The following MAGI1 variants were observed in gnomAD, a reference collection of about 807,000 sequenced individuals.
The protein encoded by MAGI1 is membrane associated guanylate kinase, WW and PDZ domain containing 1, also known as membrane-associated guanylate kinase, WW and PDZ domain-containing protein 1.
Under a neutral mutation model 139.9 loss-of-function variants are expected in MAGI1, and 58 were observed. That is an observed-to-expected ratio of 0.41 (90% CI 0.34 to 0.52). MAGI1 has a LOEUF of 0.52. MAGI1 is among the 20% of genes least tolerant of loss of function. The probability of loss-of-function intolerance (pLI) is 0.12; values close to 1 mark genes in which losing one functional copy is unlikely to be tolerated. For synonymous variants in MAGI1, 812 were observed against 737.9 expected (o/e 1.10, Z -1.63); for missense variants, 1,874 against 1,901.6 (o/e 0.99, Z 0.27).
At chr3:65,715,219 C>T (rs2032083897) in intron 1 of MAGI1, among the ~76,000 whole-genome samples, 1 of 152,156 alleles carries the variant, frequency 6.6e-6, no homozygotes, top group Non-Finnish European at 1.5e-5. Flanking sequence ...TCATCAGATG[C>T]TAAATTGGTG....
At chr3:65,805,864 A>C (rs1040547918) in intron 1 of MAGI1, among the ~76,000 whole-genome samples, 1 of 152,142 alleles carries the variant, frequency 6.6e-6, no homozygotes, top group Non-Finnish European at 1.5e-5. Context: ...GCATGTTCTC[A>C]CTCATAATTG....
chr3:65,536,410 A>G (rs13077991), intron 2 of MAGI1, among the ~76,000 whole-genome samples: 45,107 of 152,058 alleles, frequency 0.3, 7,673 homozygotes, highest in African/African-American at 0.45. Flanking sequence ...GCTAGAGCAT[A>G]CCCTTCCTGG....
intron 2 of MAGI1, among the ~76,000 whole-genome samples, chr3:65,613,644 T>C (rs1346247055): frequency 1.3e-5 from 2 of 152,152 alleles, no homozygotes; most frequent in African/African-American, 4.8e-5. Flanking sequence ...CAACGTATAA[T>C]AAGAAATACA....
intron 1 of MAGI1, among the ~76,000 whole-genome samples, chr3:66,001,767 A>G (rs1278929928): frequency 1.3e-5 from 2 of 152,232 alleles, no homozygotes; most frequent in Non-Finnish European, 2.9e-5. Context: ...AAAAACAAGT[A>G]GTCTGAAGAA....
At chr3:65,876,616 C>G (rs2060127813) in intron 1 of MAGI1, among the ~76,000 whole-genome samples, 1 of 152,052 alleles carries the variant, frequency 6.6e-6, no homozygotes, top group Non-Finnish European at 1.5e-5. Flanking sequence ...GAACAGCTTA[C>G]AGAGTTAAAG....
In MAGI1 at chr3:65,478,608, C is replaced by T; in HGVS notation, c.741G>A (p.Met247Ile). Reference sequence around the variant, plus strand: ...GACCTTTACCTGTAAAGCTGCTGTTCATTTCAGGAACGTCATCCTCCTCCT... The same window carrying T: ...GACCTTTACCTGTAAAGCTGCTGTTTATTTCAGGAACGTCATCCTCCTCCT... Reference protein sequence around the residue: ...ENEEEDDVPEMNSSFTADSGE... With the variant: ...ENEEEDDVPEINSSFTADSGE... The change falls in exon 4 of 23, where the codon ATG becomes ATA. Residue 247 changes from methionine to isoleucine, a missense_variant. Coordinates refer to ENST00000402939, the MANE Select transcript of MAGI1 (RefSeq NM_001033057.2). The T allele has an allele frequency of 4.3e-6, 7 of 1,614,002 alleles. No individual in the cohort carries two copies. The highest frequency in any genetic ancestry group is 5.9e-6 in the Non-Finnish European group (7 of 1,179,970).
chr3:65,798,173 GTGTGCC>G (rs199513129), intron 1 of MAGI1, among the ~76,000 whole-genome samples: 4,269 of 151,858 alleles, frequency 0.028, 84 homozygotes, highest in Non-Finnish European at 0.04. Flanking sequence ...GCATGGTGGG[GTGTGCC>G]TGTAATCCCA....
intron 1 of MAGI1, among the ~76,000 whole-genome samples, chr3:65,786,116 C>T (rs539250130): frequency 6.6e-5 from 10 of 151,842 alleles, no homozygotes; most frequent in Admixed American, 2.0e-4. Flanking sequence ...CCATCACACC[C>T]GGCTAATTTT....
intron 2 of MAGI1, among the ~76,000 whole-genome samples, chr3:65,616,223 T>C (rs1199148773): frequency 6.6e-6 from 1 of 151,894 alleles, no homozygotes; most frequent in African/African-American, 2.4e-5. Context: ...GAAGGACAGG[T>C]GTAAGCAGGC....
intron 1 of MAGI1, among the ~76,000 whole-genome samples, chr3:65,804,178 G>A (rs2040693234): frequency 6.6e-6 from 1 of 151,910 alleles, no homozygotes; most frequent in Non-Finnish European, 1.5e-5. Context: ...CTCCTCCAAT[G>A]GCCTGGCAGA....
chr3:65,593,712 A>T (rs958419148), intron 2 of MAGI1, among the ~76,000 whole-genome samples: 1 of 152,186 alleles, frequency 6.6e-6, no homozygotes, highest in Non-Finnish European at 1.5e-5. Flanking sequence ...CCATTCATTC[A>T]AGTATTTATT....
chr3:65,560,630 C>T (rs1398078381), intron 2 of MAGI1, among the ~76,000 whole-genome samples: 1 of 152,138 alleles, frequency 6.6e-6, no homozygotes, highest in Non-Finnish European at 1.5e-5. Context: ...ACTCCTCTCC[C>T]CCTCCAGATA....
At chr3:65,875,755 A>C (rs544921072) in intron 1 of MAGI1, among the ~76,000 whole-genome samples, 1 of 152,224 alleles carries the variant, frequency 6.6e-6, no homozygotes, top group Non-Finnish European at 1.5e-5. Flanking sequence ...ATGAAGAAGA[A>C]GATAAAGGAA....
chr3:65,675,381 A>G (rs1224813271), intron 1 of MAGI1, among the ~76,000 whole-genome samples: 2 of 152,180 alleles, frequency 1.3e-5, no homozygotes, highest in East Asian at 3.9e-4. Context: ...TCTCAAAGTA[A>G]TTTCTGCCAA....
intron 1 of MAGI1, among the ~76,000 whole-genome samples, chr3:65,725,497 A>C (rs1437792248): frequency 6.6e-6 from 1 of 152,234 alleles, no homozygotes; most frequent in Non-Finnish European, 1.5e-5. Context: ...TACAATTATC[A>C]GACAGTCTTC....
At chr3:65,866,386 AG>A (rs1320323687) in intron 1 of MAGI1, among the ~76,000 whole-genome samples, 1 of 148,248 alleles carries the variant, frequency 6.7e-6, no homozygotes. Flanking sequence ...TGCATTTAAG[AG>A]GGGAAAAAAA....
chr3:65,994,858 G>A (rs763129075), intron 1 of MAGI1, among the ~76,000 whole-genome samples: 13 of 152,326 alleles, frequency 8.5e-5, no homozygotes, highest in Non-Finnish European at 1.0e-4. Context: ...ACAGCTGACT[G>A]TAACTTACAC....
intron 1 of MAGI1, among the ~76,000 whole-genome samples, chr3:65,929,260 C>T (rs189327056): frequency 6.6e-6 from 1 of 152,260 alleles, no homozygotes; most frequent in African/African-American, 2.4e-5. Flanking sequence ...CATCCTTTCT[C>T]CTCAATCTAA....
At chr3:65,421,944 T>C (rs564998936) in intron 12 of MAGI1, among the ~76,000 whole-genome samples, 2 of 152,356 alleles carry the variant, frequency 1.3e-5, no homozygotes, top group African/African-American at 2.4e-5. Context: ...TATCACTCTC[T>C]GCATAAAAAT....
Sources: gnomAD v4.1 joint callset for allele counts (sites outside exome capture counted in the v4.1 genomes callset) on GRCh38, gnomAD v4.1.1 for gene constraint, MANE v1.5 for transcripts, NCBI Gene and HGNC (gene_info 2026-07-23, HGNC 2026-07-21) for gene names.